The following ADAM10 variants were observed in gnomAD, a reference collection of about 807,000 sequenced individuals.
ADAM10 encodes the protein ADAM metallopeptidase domain 10.
A neutral mutation model predicts 90.1 loss-of-function variants in ADAM10; 17 were observed. That is an observed-to-expected ratio of 0.19 (90% CI 0.13 to 0.28). The LOEUF (loss-of-function observed/expected upper bound fraction) is 0.28, where lower values mean the gene tolerates loss of function less well. ADAM10 is among the 10% of genes least tolerant of loss of function. The pLI, the probability that ADAM10 is intolerant of heterozygous loss-of-function variation, is 1.00. For synonymous variants in ADAM10, 310 were observed against 298.6 expected (o/e 1.04, Z -0.40); for missense variants, 610 against 914.3 (o/e 0.67, Z 4.29).
At chr15:58,741,234 C>A (rs1899602798) in intron 1 of ADAM10, among the ~76,000 whole-genome samples, 1 of 152,144 alleles carries the variant, frequency 6.6e-6, no homozygotes, top group Admixed American at 6.5e-5. Context: ...ATTATTTTCC[C>A]CTATTTGTCT....
At chr15:58,609,448 A>G (rs572666354) in intron 14 of ADAM10, 2 of 152,320 alleles carry the variant, frequency 1.3e-5, no homozygotes, top group African/African-American at 4.8e-5. Context: ...AAGAGTACAA[A>G]AAAGGCTGAC....
chr15:58,747,565 CAT>C (rs1326230516), intron 1 of ADAM10: 2 of 152,162 alleles, frequency 1.3e-5, no homozygotes, highest in Non-Finnish European at 2.9e-5. Context: ...AAAAATACCC[CAT>C]AGTTACAATA....
chr15:58,699,619 T>A (rs1160080985), intron 2 of ADAM10, among the ~76,000 whole-genome samples: 1 of 151,762 alleles, frequency 6.6e-6, no homozygotes, highest in Admixed American at 6.6e-5. Flanking sequence ...CAAAAAATTT[T>A]AAAAATTAGC....
At chr15:58,668,387 T>A (rs762965382) in intron 4 of ADAM10, among the ~76,000 whole-genome samples, 6 of 152,194 alleles carry the variant, frequency 3.9e-5, no homozygotes, top group Non-Finnish European at 8.8e-5. Flanking sequence ...CTTGGGACTA[T>A]ACAGCTATAC....
chr15:58,727,475 GCCACCGCGC>G (rs1346484731), intron 1 of ADAM10, among the ~76,000 whole-genome samples: 10 of 152,038 alleles, frequency 6.6e-5, no homozygotes, highest in African/African-American at 2.2e-4. Context: ...ACAGGTGTGA[GCCACCGCGC>G]CCAGCCTGGC....
chr15:58,601,634 T>G (rs1384879197), intron 14 of ADAM10, among the ~76,000 whole-genome samples: 1 of 152,194 alleles, frequency 6.6e-6, no homozygotes, highest in Admixed American at 6.5e-5. Context: ...AAATCAGGGC[T>G]GATACATTAC....
chr15:58,605,165 G>A (rs947555917), intron 14 of ADAM10, among the ~76,000 whole-genome samples: 4 of 152,162 alleles, frequency 2.6e-5, no homozygotes, highest in African/African-American at 2.4e-5. Flanking sequence ...GAACCTAGTC[G>A]CAGTTTAGAT....
chr15:58,666,698 G>A (rs1897090168), intron 4 of ADAM10, among the ~76,000 whole-genome samples: 1 of 151,940 alleles, frequency 6.6e-6, no homozygotes, highest in Non-Finnish European at 1.5e-5. Context: ...TTAGTACATT[G>A]TTACTTAAAA....
intron 4 of ADAM10, among the ~76,000 whole-genome samples, chr15:58,670,044 TAAAC>T (rs1191695061): frequency 6.6e-6 from 1 of 152,006 alleles, no homozygotes; most frequent in Admixed American, 6.6e-5. Flanking sequence ...TTCACAGACA[TAAAC>T]ATATGTCAAA....
chr15:58,624,112 C>T (rs1434091140), intron 10 of ADAM10, among the ~76,000 whole-genome samples: 2 of 151,890 alleles, frequency 1.3e-5, no homozygotes, highest in African/African-American at 4.8e-5. Context: ...GGTAAAACCC[C>T]GTCTCTCCTA....
chr15:58,649,914 A>G (rs958224751), intron 5 of ADAM10, among the ~76,000 whole-genome samples: 5 of 152,112 alleles, frequency 3.3e-5, no homozygotes, highest in Non-Finnish European at 5.9e-5. Context: ...CATAATACAT[A>G]TATCAGACCT....
chr15:58,676,432 T>A (rs1435926955), intron 4 of ADAM10: 8 of 317,398 alleles, frequency 2.5e-5, no homozygotes, highest in East Asian at 2.0e-4. Flanking sequence ...CTGCTGCTAC[T>A]ACTACTACTT....
chr15:58,621,690 T>A lies in ADAM10; in HGVS notation c.1361-69A>T. 1.9e-6 allele frequency: 3 copies of A among 1,574,018 alleles called. No individual in the cohort carries two copies. In the South Asian group the frequency reaches 3.3e-5, roughly 17 times the overall value. On this transcript the variant is annotated intron_variant, in intron 10 of 15. Coordinates refer to ENST00000260408, the MANE Select transcript of ADAM10 (RefSeq NM_001110.4). The stretch of plus-strand genomic sequence containing the variant: ...TTAATTTTATTTAAAATTCACAAAT[T>A]CTTTAGATCATCATAACAAAGGGAT...
At chr15:58,686,702 T>C (rs1897613511) in intron 2 of ADAM10, 1 of 657,094 alleles carries the variant, frequency 1.5e-6, no homozygotes, top group African/African-American at 1.8e-5. Flanking sequence ...AAAACACTTT[T>C]CCCTAACTTT....
intron 8 of ADAM10, among the ~76,000 whole-genome samples, chr15:58,637,233 C>T (rs1352173771): frequency 6.6e-6 from 1 of 152,080 alleles, no homozygotes; most frequent in African/African-American, 2.4e-5. Flanking sequence ...AAATGAAATG[C>T]CTCAAAAGAT....
chr15:58,707,581 C>G (rs1210903374), intron 2 of ADAM10, among the ~76,000 whole-genome samples: 1 of 152,010 alleles, frequency 6.6e-6, no homozygotes, highest in Non-Finnish European at 1.5e-5. Context: ...ACAAACAGAA[C>G]AACAACGTGA....
intron 4 of ADAM10, among the ~76,000 whole-genome samples, chr15:58,677,375 C>CA (rs1347629955): frequency 2.6e-5 from 4 of 151,836 alleles, no homozygotes; most frequent in African/African-American, 7.2e-5. Context: ...CCAAAAAGAA[C>CA]AAAAAATCAA....
rs138021891 is a variant in ADAM10, at chr15:58,645,974, A to G, written c.735+81T>C. ...ATACTTTTTCCCAAAAAGAGAATAC[A>G]CTAACTTAAATTTTTAAAGGAAAGA... On this transcript the variant is annotated intron_variant, in intron 6 of 15. Coordinates refer to ENST00000260408, the MANE Select transcript of ADAM10 (RefSeq NM_001110.4). The G allele has an allele frequency of 3.5e-4, 516 of 1,487,072 alleles. 2 individuals are homozygous for G. The African/African-American group carries it at 6.3e-3, about 18-fold the overall frequency. The allele number at this position is 1,487,072 out of a possible 1,614,324, so 92.1% of individuals were successfully genotyped here.
chr15:58,605,808 G>A (rs1230697353), intron 14 of ADAM10, among the ~76,000 whole-genome samples: 1 of 151,992 alleles, frequency 6.6e-6, no homozygotes, highest in Non-Finnish European at 1.5e-5. Context: ...GTTCAATACA[G>A]GCACTTAAAC....
Sources: allele counts gnomAD v4.1 joint callset (sites outside exome capture counted in the v4.1 genomes callset), GRCh38; gene constraint gnomAD v4.1.1; transcripts MANE v1.5; gene names NCBI Gene and HGNC (gene_info 2026-07-23, HGNC 2026-07-21).